SGCZ: variants seen among roughly 807,000 people sequenced by gnomAD.
SGCZ encodes the protein sarcoglycan zeta.
Under a neutral mutation model 41.3 loss-of-function variants are expected in SGCZ, and 40 were observed. The ratio of observed to expected loss-of-function variants is 0.97; its 90% CI spans 0.75 to 1.26. SGCZ has a LOEUF of 1.26. SGCZ is among the 50% of genes most tolerant of loss of function. The pLI, the probability that SGCZ is intolerant of heterozygous loss-of-function variation, is 0.00. For missense variants in SGCZ, 552 were observed against 369.8 expected (o/e 1.49, Z -4.04); for synonymous variants, 206 against 137.5 (o/e 1.50, Z -3.49).
chr8:14,574,266 G>T (rs763593552), intron 1 of SGCZ, among the ~76,000 whole-genome samples: 5 of 152,000 alleles, frequency 3.3e-5, no homozygotes, highest in Admixed American at 1.3e-4. Flanking sequence ...GATTCTTGCT[G>T]ACTTTGTCCT....
At chr8:14,332,873 G>A (rs1328739575) in intron 2 of SGCZ, among the ~76,000 whole-genome samples, 1 of 149,500 alleles carries the variant, frequency 6.7e-6, no homozygotes, top group East Asian at 2.0e-4. Context: ...CTCCTATATA[G>A]GTTTGTATAT....
chr8:14,458,227 A>T (rs1332477714), intron 2 of SGCZ, among the ~76,000 whole-genome samples: 3 of 152,228 alleles, frequency 2.0e-5, no homozygotes, highest in Non-Finnish European at 4.4e-5. Context: ...CAAATATTTT[A>T]AAAAATGAAA....
At chr8:14,776,183 G>A (rs1800395459) in intron 1 of SGCZ, among the ~76,000 whole-genome samples, 1 of 152,134 alleles carries the variant, frequency 6.6e-6, no homozygotes, top group Non-Finnish European at 1.5e-5. Context: ...TCTTTGATAT[G>A]GTTTGACTGT....
chr8:14,971,512 A>T (rs1352366951), intron 1 of SGCZ, among the ~76,000 whole-genome samples: 1 of 151,980 alleles, frequency 6.6e-6, no homozygotes, highest in Non-Finnish European at 1.5e-5. Flanking sequence ...GCTTTTTCTG[A>T]GACAGTTTAA....
intron 1 of SGCZ, among the ~76,000 whole-genome samples, chr8:15,202,354 C>G (rs1017201613): frequency 2.0e-5 from 3 of 152,178 alleles, no homozygotes; most frequent in African/African-American, 7.2e-5. Context: ...TTTCAGCAAT[C>G]TGGACAAATT....
chr8:14,089,688 C>A lies in SGCZ; in HGVS notation c.*755G>T, dbSNP rs772525429. Among the ~76,000 whole-genome samples the A allele has an allele frequency of 2.6e-5, 4 of 151,938 alleles. No homozygotes were observed. The highest frequency in any genetic ancestry group is 1.3e-4 in the Admixed American group (2 of 15,220). On this transcript the variant is annotated 3_prime_UTR_variant, in exon 8 of 8. Coordinates refer to ENST00000382080, the MANE Select transcript of SGCZ (RefSeq NM_139167.4). ...AAAGCAAATACGTCACATGCAGTAGCCATGTAAATACTATATAAGGCCATC... is the reference window on the plus strand; with the variant it reads ...AAAGCAAATACGTCACATGCAGTAGACATGTAAATACTATATAAGGCCATC...
chr8:14,140,471 G>A (rs558199225), intron 5 of SGCZ, among the ~76,000 whole-genome samples: 11 of 152,244 alleles, frequency 7.2e-5, no homozygotes, highest in African/African-American at 2.6e-4. Flanking sequence ...CTTCAGCAAA[G>A]TCTCAGGATA....
intron 1 of SGCZ, among the ~76,000 whole-genome samples, chr8:15,056,435 A>T (rs1804705154): frequency 6.6e-6 from 1 of 152,192 alleles, no homozygotes; most frequent in Non-Finnish European, 1.5e-5. Context: ...GGATTCAAAC[A>T]GTGCCAGGCC....
At chr8:14,426,976 ATTAT>A (rs1210744136) in intron 2 of SGCZ, among the ~76,000 whole-genome samples, 1 of 152,098 alleles carries the variant, frequency 6.6e-6, no homozygotes, top group Non-Finnish European at 1.5e-5. Context: ...CTGATTCTTT[ATTAT>A]TTGTTTTGGA....
chr8:14,624,489 G>T (rs1806383748), intron 1 of SGCZ, among the ~76,000 whole-genome samples: 2 of 149,128 alleles, frequency 1.3e-5, no homozygotes, highest in Non-Finnish European at 3.0e-5. Flanking sequence ...TTTTTTCTAT[G>T]CATGTCCATA....
rs146508611 is a variant in SGCZ, at chr8:14,560,561, C to G, written c.40-5635G>C. Reference sequence around the variant, plus strand: ...GTCTCTGAAAATTCCAAGTTAAGTGCTATGACTCTTCAGATCATCGAATCC... The same window carrying G: ...GTCTCTGAAAATTCCAAGTTAAGTGGTATGACTCTTCAGATCATCGAATCC... On this transcript the variant is annotated intron_variant, in intron 1 of 7. Transcript: ENST00000382080. Among the ~76,000 whole-genome samples, 1,198 of 152,086 alleles carry G rather than the reference C, an allele frequency of 7.9e-3. 15 individuals are homozygous for G. Among genetic ancestry groups the G allele is most frequent in the Non-Finnish European group, 7.8e-3 (530 of 67,966 alleles).
At chr8:15,011,302 T>A (rs1802819930) in intron 1 of SGCZ, among the ~76,000 whole-genome samples, 1 of 152,158 alleles carries the variant, frequency 6.6e-6, no homozygotes, top group South Asian at 2.1e-4. Flanking sequence ...ATTTATATTC[T>A]TTGTCTATTT....
At chr8:14,092,634 C>T (rs776360319) in intron 7 of SGCZ, among the ~76,000 whole-genome samples, 1 of 151,924 alleles carries the variant, frequency 6.6e-6, no homozygotes, top group African/African-American at 2.4e-5. Flanking sequence ...ACAAGTCTGA[C>T]AAGATCTGAT....
chr8:15,080,333 A>G (rs1000909744), intron 1 of SGCZ, among the ~76,000 whole-genome samples: 2 of 152,048 alleles, frequency 1.3e-5, no homozygotes, highest in East Asian at 3.9e-4. Context: ...CTGTGGGTCA[A>G]TCTGACCTAA....
chr8:15,148,580 C>A (rs1016297423), intron 1 of SGCZ, among the ~76,000 whole-genome samples: 3 of 152,170 alleles, frequency 2.0e-5, no homozygotes, highest in Non-Finnish European at 4.4e-5. Context: ...TAGTTACCAT[C>A]AATTATTTTT....
chr8:14,734,676 C>G (rs2130252861), intron 1 of SGCZ, among the ~76,000 whole-genome samples: 1 of 152,204 alleles, frequency 6.6e-6, no homozygotes, highest in East Asian at 1.9e-4. Flanking sequence ...GTCTATATCA[C>G]CACCCTCTCC....
At chr8:15,226,163 T>A (rs1221660930) in intron 1 of SGCZ, among the ~76,000 whole-genome samples, 1 of 152,202 alleles carries the variant, frequency 6.6e-6, no homozygotes, top group Non-Finnish European at 1.5e-5. Context: ...CCTGTCTTCC[T>A]TGAAATCCTT....
chr8:14,436,066 G>A (rs1563327830), intron 2 of SGCZ, among the ~76,000 whole-genome samples: 3 of 152,230 alleles, frequency 2.0e-5, no homozygotes, highest in African/African-American at 7.2e-5. Flanking sequence ...CATGATGAGA[G>A]ATGTGGCGTT....
At chr8:14,799,424 G>A (rs1299667991) in intron 1 of SGCZ, among the ~76,000 whole-genome samples, 2 of 152,000 alleles carry the variant, frequency 1.3e-5, no homozygotes, top group Admixed American at 6.6e-5. Context: ...TTCAGTATCT[G>A]ATGGAGAGTA....
Sources: allele counts gnomAD v4.1 joint callset (sites outside exome capture counted in the v4.1 genomes callset), GRCh38; gene constraint gnomAD v4.1.1; transcripts MANE v1.5; gene names NCBI Gene and HGNC (gene_info 2026-07-23, HGNC 2026-07-21).